Variants in CAPN5 observed in about 807,000 individuals in gnomAD.
CAPN5 encodes the protein calpain 5.
In CAPN5, 54 loss-of-function variants were observed where a neutral mutation model predicts 73.0. The ratio of observed to expected loss-of-function variants is 0.74; its 90% confidence interval spans 0.59 to 0.93. The LOEUF is 0.93. Ranked by LOEUF, CAPN5 falls within the 40% of genes least tolerant of loss-of-function variation. The pLI is 0.00. For synonymous variants in CAPN5, 335 were observed against 356.9 expected (o/e 0.94, Z 0.69); for missense variants, 785 against 882.9 (o/e 0.89, Z 1.41).
chr11:77,073,054 T>C, intron 1 of CAPN5: 1 of 1,288,518 alleles, frequency 7.8e-7, no homozygotes, highest in Non-Finnish European at 1.0e-6. Context: ...TGAGAGAGAA[T>C]GTCCTGCACA....
intron 1 of CAPN5, among the ~76,000 whole-genome samples, chr11:77,083,489 G>C (rs1387869954): frequency 6.6e-6 from 1 of 152,232 alleles, no homozygotes; most frequent in Non-Finnish European, 1.5e-5. Flanking sequence ...CGGACACCAG[G>C]TTTCCAGGGG....
At chr11:77,106,541 G>A (rs1173061188) in intron 3 of CAPN5, among the ~76,000 whole-genome samples, 3 of 152,226 alleles carry the variant, frequency 2.0e-5, no homozygotes, top group Non-Finnish European at 4.4e-5. Flanking sequence ...CCTGCCAGCT[G>A]GATGGCCTTG....
rs782125333 is a variant in CAPN5 at position 77,118,302 on chromosome 11, C to T, written c.1117C>T (p.Arg373Cys). ...GCTGCATGAGGACCCGCGACAGAACCGCGGTGGCGGCTGCATCAACCACAA... is the reference window on the plus strand; with the variant it reads ...GCTGCATGAGGACCCGCGACAGAACTGCGGTGGCGGCTGCATCAACCACAA... ...WTLHEDPRQN[R>C]GGGCINHKDT... Residue 373 changes from arginine to cysteine, a missense_variant, in exon 8 of 13, where the codon CGC (arginine) becomes TGC (cysteine). Arg to Cys is a radical substitution (Grantham distance 180). Transcript: ENST00000648180. 76 of 1,611,534 alleles carry T rather than the reference C, an allele frequency of 4.7e-5. No homozygotes were observed. The highest frequency in any genetic ancestry group is 3.4e-5 in the Admixed American group (2 of 59,672).
intron 3 of CAPN5, among the ~76,000 whole-genome samples, chr11:77,094,491 G>A (rs942913707): frequency 1.3e-4 from 20 of 152,238 alleles, no homozygotes; most frequent in African/African-American, 2.7e-4. Context: ...CTTAGATTCC[G>A]TGCACAGGAG....
At chr11:77,118,077 T>G in intron 7 of CAPN5, 80 bp from the exon 8 acceptor site, 4 of 1,279,142 alleles carry the variant, frequency 3.1e-6, no homozygotes, top group Non-Finnish European at 4.4e-6. Flanking sequence ...CATATGGACA[T>G]ATTAGGTTGT....
In CAPN5 at chr11:77,106,257, C is replaced by T. The variant is rs533284647; in HGVS notation, c.298-6332C>T. 3.3e-5 allele frequency among the ~76,000 whole-genome samples: 5 copies of T among 149,894 alleles called. No homozygotes were observed. In the East Asian group the frequency reaches 5.9e-4, roughly 18 times the overall value. On this transcript the variant is annotated intron_variant, in intron 3 of 12. Transcript: ENST00000648180. ...CATGCGCAGAACCCTTCCCCAGCCC[C>T]GCACCCAACCCCCACCCCCGGTCTC...
intron 3 of CAPN5, among the ~76,000 whole-genome samples, chr11:77,108,747 A>C (rs937698314): frequency 2.6e-5 from 4 of 152,102 alleles, no homozygotes; most frequent in Non-Finnish European, 4.4e-5. Context: ...AAAAAAAAAA[A>C]ACCATAATAC....
At chr11:77,112,834 A>C in intron 4 of CAPN5, 37 bp downstream of exon 4, 1 of 1,597,212 alleles carries the variant, frequency 6.3e-7, no homozygotes, top group Non-Finnish European at 8.6e-7. Context: ...TGGGAGGCCC[A>C]GACGGGGGTG....
At position 77,125,158 on chromosome 11, in the gene CAPN5, C is replaced by T. The variant is rs1392390993; in HGVS notation, c.*1288C>T. 6.6e-6 allele frequency: 1 copy of T among 152,464 alleles called. No homozygotes were observed. The highest frequency in any genetic ancestry group is 2.4e-5 in the African/African-American group (1 of 41,434). 9.4% of individuals were successfully genotyped at this position (152,464 alleles called of 1,614,324 possible). A position where few individuals can be genotyped will look rare whatever the true frequency, so the allele number is the denominator to read the frequency against. On this transcript the variant is annotated 3_prime_UTR_variant, in exon 13 of 13. Transcript: ENST00000648180. Reference sequence around the variant, plus strand: ...CTGTGCCCTTCTCGGGCTTCCAGACCAGGTGTAGCAAATGAAAAAGTGCAG... The same window carrying T: ...CTGTGCCCTTCTCGGGCTTCCAGACTAGGTGTAGCAAATGAAAAAGTGCAG...
intron 1 of CAPN5, among the ~76,000 whole-genome samples, chr11:77,078,775 A>T (rs1949998957): frequency 7.8e-6 from 1 of 128,650 alleles, no homozygotes; most frequent in Admixed American, 7.5e-5. Context: ...CATAGTTTTC[A>T]GTGTACAAGT....
intron 1 of CAPN5, among the ~76,000 whole-genome samples, chr11:77,083,519 A>T (rs1181497937): frequency 6.6e-6 from 1 of 151,970 alleles, no homozygotes; most frequent in Non-Finnish European, 1.5e-5. Flanking sequence ...AGGTCACCTC[A>T]CCTCACTGAG....
At chr11:77,097,209 G>A (rs1206694961) in intron 3 of CAPN5, among the ~76,000 whole-genome samples, 8 of 151,892 alleles carry the variant, frequency 5.3e-5, no homozygotes, top group South Asian at 2.1e-4. Flanking sequence ...GCTACAGAGC[G>A]AGACTCCATC....
rs1033753348 is a variant in CAPN5, at chr11:77,085,982, G to A, written c.165+931G>A. ...CCGCAGCCCAGTAATCAGAGGAGGT[G>A]TCTTGGAGGTGAAGGGTGATGAGGT... On this transcript the variant is annotated intron_variant, in intron 2 of 12. Coordinates refer to ENST00000648180, the MANE Select transcript of CAPN5 (RefSeq NM_004055.5). Among the ~76,000 whole-genome samples the A allele has an allele frequency of 2.0e-5, 3 of 152,212 alleles. No homozygotes were observed. The East Asian group carries it at 5.8e-4, about 29-fold the overall frequency.
At chr11:77,109,807 C>T (rs1555040479) in intron 3 of CAPN5, among the ~76,000 whole-genome samples, 1 of 152,148 alleles carries the variant, frequency 6.6e-6, no homozygotes, top group Non-Finnish European at 1.5e-5. Flanking sequence ...TCTGGGTCTC[C>T]AGGCCCTGGA....
Position 77,112,789 on chromosome 11 carries a change from C to T in CAPN5, c.498C>T (p.Ala166=). The T allele has an allele frequency of 6.2e-7, 1 of 1,614,194 alleles. No individual in the cohort carries two copies. Among genetic ancestry groups the T allele is most frequent in the Admixed American group, 1.7e-5 (1 of 60,018 alleles). Reference sequence around the variant, plus strand: ...TTTGGTGCGCCCTAGTGGAGAAGGCCTATGCCAAGTAGGTGCCAGCAGCAG... The same window carrying T: ...TTTGGTGCGCCCTAGTGGAGAAGGCTTATGCCAAGTAGGTGCCAGCAGCAG... ...NEFWCALVEK[A]YAKLAGCYQA... is the part of the protein sequence containing the mutation. The change falls in exon 4 of 13, where the codon GCC becomes GCT. Residue 166 remains alanine (A), a synonymous_variant. Coordinates refer to ENST00000648180, the MANE Select transcript of CAPN5 (RefSeq NM_004055.5).
chr11:77,071,525 G>GCCTATTACGGCCAAGT, intron 1 of CAPN5: 1 of 412,380 alleles, frequency 2.4e-6, no homozygotes, highest in South Asian at 1.6e-5. Context: ...GAATACCAAG[G>GCCTATTACGGCCAAGT]CCTATTACGG....
chr11:77,122,557 T>G lies in CAPN5; in HGVS notation c.1604-19T>G. 3.5e-6 allele frequency: 2 copies of G among 569,850 alleles called. No homozygotes were observed. Among genetic ancestry groups the G allele is most frequent in the Non-Finnish European group, 6.0e-6 (2 of 331,042 alleles). The allele number at this position is 569,850 out of a possible 1,614,324, so 35.3% of individuals were successfully genotyped here. On this transcript the variant is annotated intron_variant, in intron 11 of 12. Coordinates refer to ENST00000648180, the MANE Select transcript of CAPN5 (RefSeq NM_004055.5). ...CCCCCACCCCCACCCTCACCCCATCTCCCACTCCCTCTCCCTAGGGGCTAA... is the reference window on the plus strand; with the variant it reads ...CCCCCACCCCCACCCTCACCCCATCGCCCACTCCCTCTCCCTAGGGGCTAA...
intron 2 of CAPN5, among the ~76,000 whole-genome samples, chr11:77,092,499 GC>G (rs561160835): frequency 4.9e-4 from 75 of 152,332 alleles, no homozygotes; most frequent in African/African-American, 1.6e-3. Flanking sequence ...TGGTACTGGA[GC>G]CCCCCTGGGC....
intron 3 of CAPN5, among the ~76,000 whole-genome samples, chr11:77,094,806 G>A (rs572804841): frequency 5.3e-5 from 8 of 152,352 alleles, no homozygotes; most frequent in Non-Finnish European, 4.4e-5. Flanking sequence ...TGCCTTGTGC[G>A]GCATCGTGCT....
Sources: allele counts gnomAD v4.1 joint callset (sites outside exome capture counted in the v4.1 genomes callset), GRCh38; gene constraint gnomAD v4.1.1; transcripts MANE v1.5; gene names NCBI Gene and HGNC (gene_info 2026-07-23, HGNC 2026-07-21).